CBFA2T3: variants seen among roughly 807,000 people sequenced by gnomAD.
CBFA2T3 encodes the protein CBFA2/RUNX1 partner transcriptional co-repressor 3.
A neutral mutation model predicts 58.6 loss-of-function variants in CBFA2T3; 31 were observed. The observed-to-expected ratio is 0.53, with a 90% CI of 0.40 to 0.71. The LOEUF (loss-of-function observed/expected upper bound fraction) is 0.71, where lower values mean the gene tolerates loss of function less well. Ranked by LOEUF, CBFA2T3 falls within the 30% of genes least tolerant of loss-of-function variation. The pLI is 0.00. For missense variants in CBFA2T3, 1,076 were observed against 963.1 expected (o/e 1.12, Z -1.55); for synonymous variants, 531 against 421.9 (o/e 1.26, Z -3.17).
intron 1 of CBFA2T3, among the ~76,000 whole-genome samples, chr16:88,970,762 C>A (rs1210268726): frequency 6.6e-6 from 1 of 152,234 alleles, no homozygotes; most frequent in African/African-American, 2.4e-5. Context: ...CAGGGCTCAG[C>A]ACCCTCCTGG....
intron 1 of CBFA2T3, among the ~76,000 whole-genome samples, chr16:88,925,920 T>C (rs1055871108): frequency 2.0e-5 from 3 of 152,226 alleles, no homozygotes; most frequent in Non-Finnish European, 4.4e-5. Flanking sequence ...CGATGATTTT[T>C]AAAAGAGAGG....
chr16:88,968,956 T>C (rs1972581703), intron 1 of CBFA2T3, among the ~76,000 whole-genome samples: 1 of 151,978 alleles, frequency 6.6e-6, no homozygotes, highest in Admixed American at 6.6e-5. Context: ...CTCACACAAA[T>C]CGGGGGCCAG....
At chr16:88,946,162 G>A (rs2142826471) in intron 1 of CBFA2T3, among the ~76,000 whole-genome samples, 1 of 152,188 alleles carries the variant, frequency 6.6e-6, no homozygotes, top group East Asian at 1.9e-4. Flanking sequence ...ACAAAAATTA[G>A]CTGGGCGTGG....
Position 88,875,150 on chromosome 16 carries a change from C to G in CBFA2T3, c.*1826G>C. 4.2e-6 allele frequency: 1 copy of G among 237,222 alleles called. No individual in the cohort carries two copies. The highest frequency in any genetic ancestry group is 8.3e-6 in the Non-Finnish European group (1 of 120,164). 14.7% of individuals were successfully genotyped at this position (237,222 alleles called of 1,614,324 possible). ...ATGCCAGGCCACGGGCCACGCCACG[C>G]ACACAGATGCCAGGCCACGGGCCAC... On this transcript the variant is annotated 3_prime_UTR_variant, in exon 12 of 12. Transcript: ENST00000268679.
At chr16:88,923,453 C>T (rs1367894049) in intron 1 of CBFA2T3, among the ~76,000 whole-genome samples, 1 of 152,210 alleles carries the variant, frequency 6.6e-6, no homozygotes, top group African/African-American at 2.4e-5. Flanking sequence ...GACCTTTGGC[C>T]ACCCATGTTA....
chr16:88,893,723 AG>A (rs1969746694), intron 3 of CBFA2T3, among the ~76,000 whole-genome samples: 1 of 152,220 alleles, frequency 6.6e-6, no homozygotes, highest in Non-Finnish European at 1.5e-5. Flanking sequence ...TCAGTGTTCC[AG>A]GGGCCTGGCA....
intron 1 of CBFA2T3, among the ~76,000 whole-genome samples, chr16:88,960,144 T>G (rs905837780): frequency 1.3e-5 from 2 of 152,214 alleles, no homozygotes; most frequent in African/African-American, 4.8e-5. Context: ...GACAAAGTCC[T>G]TGATTCCCAG....
intron 1 of CBFA2T3, among the ~76,000 whole-genome samples, chr16:88,904,684 G>A (rs1201418125): frequency 6.6e-6 from 1 of 151,140 alleles, no homozygotes; most frequent in Non-Finnish European, 1.5e-5. Context: ...TTGTGCGGGG[G>A]CAGCTGTGCA....
At chr16:88,907,610 G>A (rs1249295043) in intron 1 of CBFA2T3, among the ~76,000 whole-genome samples, 1 of 152,200 alleles carries the variant, frequency 6.6e-6, no homozygotes, top group Non-Finnish European at 1.5e-5. Flanking sequence ...GCCAGGTGTG[G>A]ATCCAGGTGA....
intron 1 of CBFA2T3, among the ~76,000 whole-genome samples, chr16:88,923,529 A>C (rs1331831998): frequency 6.6e-6 from 1 of 152,238 alleles, no homozygotes; most frequent in Non-Finnish European, 1.5e-5. Flanking sequence ...TTCAGCAACA[A>C]ATGCACTTCC....
chr16:88,941,312 C>A, intron 1 of CBFA2T3: 1 of 307,986 alleles, frequency 3.2e-6, no homozygotes, highest in Non-Finnish European at 4.7e-6. Flanking sequence ...GCCGCCGCGC[C>A]TGTGGCTCCA....
At chr16:88,893,066 G>A (rs1325266483) in intron 3 of CBFA2T3, among the ~76,000 whole-genome samples, 3 of 152,162 alleles carry the variant, frequency 2.0e-5, no homozygotes, top group East Asian at 3.9e-4. Flanking sequence ...AGGCACAGGA[G>A]ACTTGGAAAA....
In CBFA2T3 at chr16:88,953,984, C is replaced by G. The variant is rs1330471698; in HGVS notation, c.151+22673G>C. ...CGGCCTCTAACAGCTGACACCATGT[C>G]AGGACAGTGGCTACCTAGCAGGAAG... On this transcript the variant is annotated intron_variant, in intron 1 of 11. Transcript: ENST00000268679. The surrounding 1 kb of genome is among the most constrained non-coding windows in gnomAD (Gnocchi z 4.9). Among the ~76,000 whole-genome samples the G allele has an allele frequency of 6.6e-6, 1 of 152,110 alleles. No individual in the cohort carries two copies. Among genetic ancestry groups the G allele is most frequent in the African/African-American group, 2.4e-5 (1 of 41,404 alleles).
chr16:88,924,660 T>C (rs1971029176), intron 1 of CBFA2T3, among the ~76,000 whole-genome samples: 1 of 152,224 alleles, frequency 6.6e-6, no homozygotes, highest in East Asian at 1.9e-4. Context: ...CAGAGCCCCA[T>C]GGCCGGGAGC....
At chr16:88,892,675 G>A (rs1969691620) in intron 3 of CBFA2T3, among the ~76,000 whole-genome samples, 190 bp from the exon 4 acceptor site, 1 of 152,216 alleles carries the variant, frequency 6.6e-6, no homozygotes, top group African/African-American at 2.4e-5. Flanking sequence ...AGCTGAGCTG[G>A]CCCTTAGCAT....
rs201368965 is a variant in CBFA2T3 at position 88,901,601 on chromosome 16, C to T, written c.207G>A (p.Val69=). 2 of 1,519,214 alleles carry T rather than the reference C, an allele frequency of 1.3e-6. No homozygotes were observed. Among genetic ancestry groups the T allele is most frequent in the Non-Finnish European group, 1.7e-6 (2 of 1,146,738 alleles). The allele number at this position is 1,519,214 out of a possible 1,614,324, so 94.1% of individuals were successfully genotyped here. ...ASAMPDSPAE[V]KTQPRSTPPS... ...GGGGTGTGGACCGGGGCTGCGTCTT[C>T]ACCTCCGCTGGGGAGTCCGGCATCG... Residue 69 remains valine, a synonymous_variant, in exon 2 of 12, where the codon GTG becomes GTA. Coordinates refer to ENST00000268679, the MANE Select transcript of CBFA2T3 (RefSeq NM_005187.6).
intron 1 of CBFA2T3, among the ~76,000 whole-genome samples, chr16:88,959,081 G>A (rs112801189): frequency 1.1e-4 from 16 of 152,308 alleles, no homozygotes; most frequent in African/African-American, 3.8e-4. Context: ...CCCCATCCTC[G>A]CGATGCCAAG....
intron 1 of CBFA2T3, among the ~76,000 whole-genome samples, chr16:88,924,108 C>T (rs1205562555): frequency 6.6e-6 from 1 of 151,780 alleles, no homozygotes; most frequent in Non-Finnish European, 1.5e-5. Context: ...GGTGGGAGGG[C>T]CGCGCCTGCT....
At chr16:88,926,728 G>A (rs1387799667) in intron 1 of CBFA2T3, among the ~76,000 whole-genome samples, 1 of 152,222 alleles carries the variant, frequency 6.6e-6, no homozygotes, top group African/African-American at 2.4e-5. Context: ...AGTTTCCTCG[G>A]CTGTAAGACG....
Sources: allele counts gnomAD v4.1 joint callset (sites outside exome capture counted in the v4.1 genomes callset), GRCh38; gene constraint gnomAD v4.1.1; non-coding constraint Gnocchi (gnomAD v3.1); transcripts MANE v1.5; gene names NCBI Gene and HGNC (gene_info 2026-07-23, HGNC 2026-07-21).